SPTBN1: variants seen among roughly 807,000 people sequenced by gnomAD.
SPTBN1 encodes the protein spectrin beta, non-erythrocytic 1.
SPTBN1 carries 32 observed loss-of-function variants against 266.4 expected under a neutral mutation model. That is an observed-to-expected ratio of 0.12 (90% CI 0.09 to 0.16). SPTBN1 has a LOEUF of 0.16. Ranked by LOEUF, SPTBN1 falls within the 10% of genes least tolerant of loss-of-function variation. SPTBN1 has a pLI of 1.00. For synonymous variants in SPTBN1, 1,336 were observed against 1,162.2 expected (o/e 1.15, Z -3.04); for missense variants, 2,296 against 3,067.1 (o/e 0.75, Z 5.94).
intron 1 of SPTBN1, among the ~76,000 whole-genome samples, chr2:54,478,680 G>A (rs1250420669): frequency 6.6e-6 from 1 of 152,158 alleles, no homozygotes; most frequent in Non-Finnish European, 1.5e-5. Context: ...GCTGAACCTT[G>A]AAAGGCATCT....
chr2:54,660,041 T>A (rs1347214849), intron 32 of SPTBN1, 42 bp downstream of exon 32: 1 of 1,614,096 alleles, frequency 6.2e-7, no homozygotes, highest in African/African-American at 1.3e-5. Context: ...ACAAAAACTT[T>A]AATAGCAGAC....
chr2:54,510,137 T>G (rs1383896748), intron 1 of SPTBN1, among the ~76,000 whole-genome samples: 1 of 151,990 alleles, frequency 6.6e-6, no homozygotes, highest in African/African-American at 2.4e-5. Flanking sequence ...TTTTGTATTT[T>G]TATTTGAGAC....
At chr2:54,598,973 G>A (rs1676289791) in intron 2 of SPTBN1, 119 bp from the exon 3 acceptor site, 2 of 1,072,866 alleles carry the variant, frequency 1.9e-6, no homozygotes. Context: ...AAGTAGAGGT[G>A]TCCTTGGAGG....
At chr2:54,476,259 C>T (rs368643661) in intron 1 of SPTBN1, among the ~76,000 whole-genome samples, 5 of 152,024 alleles carry the variant, frequency 3.3e-5, no homozygotes, top group Non-Finnish European at 4.4e-5. Context: ...TCAAATGCCC[C>T]GCCCAAATGC....
At chr2:54,589,080 C>G (rs1486254820) in intron 2 of SPTBN1, among the ~76,000 whole-genome samples, 1 of 152,124 alleles carries the variant, frequency 6.6e-6, no homozygotes, top group African/African-American at 2.4e-5. Context: ...TACAAACAAT[C>G]CAATTATACT....
At position 54,626,172 on chromosome 2, in the gene SPTBN1, C is replaced by G. The variant is rs934674574; in HGVS notation, c.1582C>G (p.Leu528Val). ...CCGGAGACAGCGGCTCGAGATGAAC[C>G]TGGGGCTGCAGAAGATATTCCAGGA... The part of the protein sequence containing the change: ...RARRQRLEMN[L>V]GLQKIFQEML... The change falls in exon 12 of 36, where the codon CTG (leucine) becomes GTG (valine). Residue 528 changes from leucine (L) to valine (V), a missense_variant. Coordinates refer to ENST00000356805, the MANE Select transcript of SPTBN1 (RefSeq NM_003128.3). The surrounding 1 kb of genome is among the most constrained non-coding windows in gnomAD (Gnocchi z 4.7). The G allele has an allele frequency of 6.2e-7, 1 of 1,614,178 alleles. No homozygotes were observed. The highest frequency in any genetic ancestry group is 8.5e-7 in the Non-Finnish European group (1 of 1,180,034).
chr2:54,617,510 C>T, intron 5 of SPTBN1, 98 bp from the exon 6 acceptor site: 8 of 1,080,252 alleles, frequency 7.4e-6, no homozygotes, highest in Admixed American at 6.3e-5. Context: ...TTAGGTTTTA[C>T]AATGCTTACA....
chr2:54,563,105 T>C (rs1673426989), intron 2 of SPTBN1, among the ~76,000 whole-genome samples: 1 of 152,188 alleles, frequency 6.6e-6, no homozygotes, highest in East Asian at 1.9e-4. Flanking sequence ...CACGGTGTTC[T>C]GTAACTTTCT....
intron 18 of SPTBN1, among the ~76,000 whole-genome samples, chr2:54,639,628 G>A (rs907916769): frequency 3.9e-5 from 6 of 152,220 alleles, no homozygotes; most frequent in African/African-American, 1.2e-4. Flanking sequence ...ACATGTATGG[G>A]AAAAGTAAGT....
intron 1 of SPTBN1, among the ~76,000 whole-genome samples, chr2:54,479,677 C>G (rs1450411464): frequency 1.3e-5 from 2 of 152,140 alleles, no homozygotes; most frequent in African/African-American, 2.4e-5. Context: ...ACATGACTCA[C>G]TTCCTAGGGT....
intron 1 of SPTBN1, among the ~76,000 whole-genome samples, chr2:54,465,218 C>T (rs957463992): frequency 6.6e-6 from 1 of 152,066 alleles, no homozygotes; most frequent in East Asian, 1.9e-4. Flanking sequence ...TTAGTGTATT[C>T]AAATGTATTA....
Position 54,668,717 on chromosome 2 carries a change from G to C in SPTBN1, c.*148G>C. Reference sequence around the variant, plus strand: ...TTTTAATTTATAGAGCATTTCGGGGGGGGTGGGGGAAACACACCTAAACAC... The same window carrying C: ...TTTTAATTTATAGAGCATTTCGGGGCGGGTGGGGGAAACACACCTAAACAC... On this transcript the variant is annotated 3_prime_UTR_variant, in exon 36 of 36. Coordinates refer to ENST00000356805, the MANE Select transcript of SPTBN1 (RefSeq NM_003128.3). The C allele has an allele frequency of 1.5e-6, 1 of 683,806 alleles. No homozygotes were observed. 42.4% of individuals were successfully genotyped at this position (683,806 alleles called of 1,614,324 possible). A position where few individuals can be genotyped will look rare whatever the true frequency, so the allele number is the denominator to read the frequency against.
intron 2 of SPTBN1, among the ~76,000 whole-genome samples, chr2:54,578,329 C>T (rs1295848257): frequency 6.6e-6 from 1 of 152,144 alleles, no homozygotes; most frequent in Non-Finnish European, 1.5e-5. Context: ...TTGGAGATTG[C>T]TGATTTTTCT....
chr2:54,629,367 C>G lies in SPTBN1; in HGVS notation c.2233C>G (p.Leu745Val). The stretch of plus-strand genomic sequence containing the variant: ...GAAGAAGCGCCTGGAGGAGGCCTCC[C>G]TGCTGCACCAGTTCCAGGCAGATGC... ...IRKKRLEEASLLHQFQADADD... is the reference protein window; with the variant it reads ...IRKKRLEEASVLHQFQADADD... Residue 745 changes from leucine to valine, a missense_variant, in exon 14 of 36, where the codon CTG becomes GTG. Physicochemically the swap from Leu to Val is conservative, Grantham distance 32. Coordinates refer to ENST00000356805, the MANE Select transcript of SPTBN1 (RefSeq NM_003128.3). The G allele has an allele frequency of 1.9e-6, 3 of 1,614,122 alleles. No individual in the cohort carries two copies. Among genetic ancestry groups the G allele is most frequent in the Non-Finnish European group, 2.5e-6 (3 of 1,180,028 alleles).
In SPTBN1 at chr2:54,632,568, G is replaced by A. The variant is rs756864033; in HGVS notation, c.3567G>A (p.Glu1189=). The change falls in exon 17 of 36, where the codon GAG becomes GAA. Residue 1189 remains glutamate (E), a splice_region_variant and synonymous_variant. Transcript: ENST00000356805. The part of the protein sequence containing the change: ...KQAEAFLNNQ[E]YVLAHTEMPT... ...ATTTGTTCCTCTTTTTAAATAAGGA[G>A]TATGTTCTGGCTCACACTGAAATGC... 5 of 1,614,230 alleles carry A rather than the reference G, an allele frequency of 3.1e-6. No homozygotes were observed. The East Asian group carries it at 1.1e-4, about 36-fold the overall frequency.
In SPTBN1 at chr2:54,564,475, C is replaced by T. The variant is rs752459425; in HGVS notation, c.149-34617C>T. On this transcript the variant is annotated intron_variant, in intron 2 of 35. Coordinates refer to ENST00000356805, the MANE Select transcript of SPTBN1 (RefSeq NM_003128.3). ...TCCCCATGCAGTTATCCCAGTCTCC[C>T]CACAGCAGGGCCCTGAGAAGAGTGC... 1.8e-4 allele frequency among the ~76,000 whole-genome samples: 28 copies of T among 152,160 alleles called. 1 individual carries two copies. The highest frequency in any genetic ancestry group is 3.2e-4 in the Non-Finnish European group (22 of 68,020).
chr2:54,583,132 C>T (rs981161461), intron 2 of SPTBN1, among the ~76,000 whole-genome samples: 8 of 152,006 alleles, frequency 5.3e-5, no homozygotes, highest in Non-Finnish European at 8.8e-5. Flanking sequence ...TGATCTTATT[C>T]CTGCCGCTGC....
chr2:54,600,932 G>A (rs1676460114), intron 3 of SPTBN1, among the ~76,000 whole-genome samples: 1 of 151,764 alleles, frequency 6.6e-6, no homozygotes, highest in South Asian at 2.1e-4. Flanking sequence ...AGAAGATTGT[G>A]TCCTTGATAA....
intron 2 of SPTBN1, among the ~76,000 whole-genome samples, chr2:54,586,244 C>CA (rs1558870807): frequency 1.3e-5 from 2 of 152,190 alleles, no homozygotes; most frequent in Admixed American, 6.5e-5. Context: ...CGAATTGAGA[C>CA]AGTCGTATTT....
Sources: gnomAD v4.1 joint callset for allele counts (sites outside exome capture counted in the v4.1 genomes callset) on GRCh38, gnomAD v4.1.1 for gene constraint, Gnocchi (gnomAD v3.1) non-coding constraint, MANE v1.5 for transcripts, NCBI Gene and HGNC (gene_info 2026-07-23, HGNC 2026-07-21) for gene names.